Variants in GLTP observed in about 807,000 individuals in gnomAD.
GLTP encodes glycolipid transfer protein.
GLTP carries 22 observed loss-of-function variants against 24.0 expected under a neutral mutation model. The observed-to-expected ratio is 0.92, with a 90% CI of 0.65 to 1.31. GLTP has a LOEUF of 1.31. GLTP is among the 50% of genes most tolerant of loss of function. The pLI is 0.00. For synonymous variants in GLTP, 92 were observed against 115.9 expected (o/e 0.79, Z 1.33); for missense variants, 224 against 276.6 (o/e 0.81, Z 1.35).
rs1869025284 is a variant in GLTP at position 109,880,164 on chromosome 12, C to T, written c.103+108G>A. ...AGAGGATCTTGGGTGCCTGGGGAAACAGTACTTAGGGGTGTCTAGGGCAGA... is the reference window on the plus strand; with the variant it reads ...AGAGGATCTTGGGTGCCTGGGGAAATAGTACTTAGGGGTGTCTAGGGCAGA... On this transcript the variant is annotated intron_variant, in intron 1 of 4. Coordinates refer to ENST00000318348, the MANE Select transcript of GLTP (RefSeq NM_016433.4). This position sits in a 1 kb window ranked among gnomAD's most constrained non-coding sequence, Gnocchi z 5.1. 1.1e-5 allele frequency: 7 copies of T among 629,154 alleles called. No individual in the cohort carries two copies. Among genetic ancestry groups the T allele is most frequent in the South Asian group, 1.7e-5 (1 of 59,556 alleles). The allele number at this position is 629,154 out of a possible 1,614,324, so 39.0% of individuals were successfully genotyped here. A position where few individuals can be genotyped will look rare whatever the true frequency, so the allele number is the denominator to read the frequency against.
rs1177961564 is a variant in GLTP, at chr12:109,851,088, A to G, written c.*1467T>C. The stretch of plus-strand genomic sequence containing the variant: ...TGTTTGCCCCAGCACTTTAAAAAAT[A>G]CAGCTCTTTTTAGCGCCAGGAAGAA... On this transcript the variant is annotated 3_prime_UTR_variant, in exon 5 of 5. Coordinates refer to ENST00000318348, the MANE Select transcript of GLTP (RefSeq NM_016433.4). 1 of 152,650 alleles carries G rather than the reference A, an allele frequency of 6.6e-6. No individual in the cohort carries two copies. The highest frequency in any genetic ancestry group is 1.5e-5 in the Non-Finnish European group (1 of 68,036). The allele number at this position is 152,650 out of a possible 1,614,324, so 9.5% of individuals were successfully genotyped here.
intron 1 of GLTP, among the ~76,000 whole-genome samples, chr12:109,867,394 C>T (rs1289298891): frequency 1.3e-5 from 2 of 152,042 alleles, no homozygotes; most frequent in African/African-American, 4.8e-5. Flanking sequence ...AGCGATCCAC[C>T]CACCTCGGCT....
chr12:109,855,909 T>G lies in GLTP; in HGVS notation c.297-140A>C. The G allele has an allele frequency of 1.6e-6, 1 of 607,108 alleles. No homozygotes were observed. The highest frequency in any genetic ancestry group is 2.7e-6 in the Non-Finnish European group (1 of 363,762). The allele number at this position is 607,108 out of a possible 1,614,324, so 37.6% of individuals were successfully genotyped here. On this transcript the variant is annotated intron_variant, in intron 3 of 4. Transcript: ENST00000318348. This position sits in a 1 kb window ranked among gnomAD's most constrained non-coding sequence, Gnocchi z 4.1. Reference sequence around the variant, plus strand: ...GGGAGTGGTTATTCCCTAATCATCTTTCCCTTCTGCTTACAAGTAACGTGA... The same window carrying G: ...GGGAGTGGTTATTCCCTAATCATCTGTCCCTTCTGCTTACAAGTAACGTGA...
At chr12:109,859,234 T>G (rs772875550) in intron 1 of GLTP, among the ~76,000 whole-genome samples, 8 of 152,050 alleles carry the variant, frequency 5.3e-5, no homozygotes, top group African/African-American at 7.2e-5. Flanking sequence ...AAAAAAAAAT[T>G]TTTGGCCTGG....
At chr12:109,852,880 G>A in intron 4 of GLTP, 143 bp from the exon 5 acceptor site, 4 of 611,758 alleles carry the variant, frequency 6.5e-6, no homozygotes, top group South Asian at 2.0e-5. Context: ...GAAGGGAAAG[G>A]AAAAGGGAGG....
intron 1 of GLTP, among the ~76,000 whole-genome samples, chr12:109,876,763 T>C (rs1868898267): frequency 6.6e-6 from 1 of 152,142 alleles, no homozygotes; most frequent in South Asian, 2.1e-4. Context: ...AAAAAGCAGG[T>C]TATACTTATT....
Position 109,857,386 on chromosome 12 carries a change from T to C in GLTP, c.296+140A>G. 1 of 953,314 alleles carries C rather than the reference T, an allele frequency of 1.0e-6. No individual in the cohort carries two copies. Among genetic ancestry groups the C allele is most frequent in the Non-Finnish European group, 1.6e-6 (1 of 635,536 alleles). The allele number at this position is 953,314 out of a possible 1,614,324, so 59.1% of individuals were successfully genotyped here. On this transcript the variant is annotated intron_variant, in intron 3 of 4. Transcript: ENST00000318348. This position sits in a 1 kb window ranked among gnomAD's most constrained non-coding sequence, Gnocchi z 4.3. ...CAAGCCCTGGCCATTGGGAGGCCTT[T>C]TCCCAGCCATTAACTAGCATCACAC...
At chr12:109,859,044 G>T (rs1892839267) in intron 1 of GLTP, among the ~76,000 whole-genome samples, 1 of 152,160 alleles carries the variant, frequency 6.6e-6, no homozygotes, top group Non-Finnish European at 1.5e-5. Context: ...AATCAGAATG[G>T]TATTTGTTTG....
In GLTP at chr12:109,852,658, C is replaced by T; in HGVS notation, c.527G>A (p.Cys176Tyr). The change falls in exon 5 of 5, where the codon TGC (cysteine) becomes TAC (tyrosine). Residue 176 changes from cysteine to tyrosine, a missense_variant. Physicochemically the swap from Cys to Tyr is radical, Grantham distance 194 (BLOSUM62 -2). Transcript: ENST00000318348. ...TAGGAAGAGGCGGATCTTCTCCAGG[C>T]ACTCCTCCTCCGTAACATTCTGCCC... The part of the protein sequence containing the change: ...SKGQNVTEEE[C>Y]LEKIRLFLVN... 6.2e-7 allele frequency: 1 copy of T among 1,605,036 alleles called. No individual in the cohort carries two copies. Among genetic ancestry groups the T allele is most frequent in the Non-Finnish European group, 8.5e-7 (1 of 1,171,728 alleles).
chr12:109,867,278 A>G (rs1868559072), intron 1 of GLTP, among the ~76,000 whole-genome samples: 1 of 152,060 alleles, frequency 6.6e-6, no homozygotes, highest in South Asian at 2.1e-4. Context: ...CCTCCCGAGT[A>G]GCTGGGACTA....
chr12:109,852,698 T>C lies in GLTP; in HGVS notation c.487A>G (p.Lys163Glu). ...YAAPYKSDFL[K>E]ALSKGQNVTE... Reference sequence around the variant, plus strand: ...ACATTCTGCCCCTTGGAGAGCGCTTTCAGGAAGTCAGACTTATAGGGTGCT... The same window carrying C: ...ACATTCTGCCCCTTGGAGAGCGCTTCCAGGAAGTCAGACTTATAGGGTGCT... Residue 163 changes from lysine to glutamate, a missense_variant, in exon 5 of 5, where the codon AAA becomes GAA. Lys to Glu is a moderately conservative substitution (Grantham distance 56, BLOSUM62 1). Coordinates refer to ENST00000318348, the MANE Select transcript of GLTP (RefSeq NM_016433.4). 2 of 1,613,178 alleles carry C rather than the reference T, an allele frequency of 1.2e-6. No homozygotes were observed. Among genetic ancestry groups the C allele is most frequent in the East Asian group, 4.5e-5 (2 of 44,870 alleles).
At chr12:109,864,481 G>GAGTGCTATGCATAGCCC (rs781528579) in intron 1 of GLTP, among the ~76,000 whole-genome samples, 10 of 152,194 alleles carry the variant, frequency 6.6e-5, no homozygotes, top group Non-Finnish European at 1.2e-4. Flanking sequence ...CTACAGCCCA[G>GAGTGCTATGCATAGCCC]AGGTGCTATG....
At chr12:109,854,724 G>C (rs1268067868) in intron 4 of GLTP, among the ~76,000 whole-genome samples, 1 of 152,228 alleles carries the variant, frequency 6.6e-6, no homozygotes, top group African/African-American at 2.4e-5. Context: ...AGGATTTGTA[G>C]GGGCAATGCA....
intron 1 of GLTP, among the ~76,000 whole-genome samples, chr12:109,873,633 CAAAAAAA>C (rs774803716): frequency 7.5e-5 from 4 of 53,650 alleles, no homozygotes; most frequent in Non-Finnish European, 1.2e-4. Context: ...GACTCTGTCT[CAAAAAAA>C]AAAAAAAAAA....
Position 109,858,721 on chromosome 12 carries a change from A to C in GLTP, c.124T>G (p.Phe42Val), listed in dbSNP as rs561014042. ...CTTATGTCTGCCTTGATGGGAGTAAACACTGGGGACCCAAGGCAATCTGGG... is the reference window on the plus strand; with the variant it reads ...CTTATGTCTGCCTTGATGGGAGTAACCACTGGGGACCCAAGGCAATCTGGG... ...PFFDCLGSPV[F>V]TPIKADISGN... The change falls in exon 2 of 5, where the codon TTT becomes GTT. Residue 42 changes from phenylalanine to valine, a missense_variant. Physicochemically the swap from Phe to Val is conservative, Grantham distance 50. Coordinates refer to ENST00000318348, the MANE Select transcript of GLTP (RefSeq NM_016433.4). 1 of 1,612,242 alleles carries C rather than the reference A, an allele frequency of 6.2e-7. No individual in the cohort carries two copies. The highest frequency in any genetic ancestry group is 1.3e-5 in the African/African-American group (1 of 74,982).
intron 1 of GLTP, among the ~76,000 whole-genome samples, chr12:109,875,889 C>T (rs565542346): frequency 1.3e-5 from 2 of 152,358 alleles, no homozygotes; most frequent in African/African-American, 4.8e-5. Flanking sequence ...CACTCTTCAA[C>T]TCAGCAGTTT....
At chr12:109,865,415 T>C (rs1357381098) in intron 1 of GLTP, among the ~76,000 whole-genome samples, 3 of 151,902 alleles carry the variant, frequency 2.0e-5, no homozygotes, top group African/African-American at 7.3e-5. Flanking sequence ...TCACCTGAGA[T>C]CCGGAGTTCA....
intron 1 of GLTP, among the ~76,000 whole-genome samples, chr12:109,867,476 A>T (rs1242969226): frequency 6.6e-6 from 1 of 152,158 alleles, no homozygotes; most frequent in Non-Finnish European, 1.5e-5. Context: ...TAAATACCAA[A>T]TAGCCACCAG....
chr12:109,855,887 A>AATAACCACTCCCTCT lies in GLTP; in HGVS notation c.297-119_297-118insAGAGGGAGTGGTTAT. On this transcript the variant is annotated intron_variant, in intron 3 of 4. Transcript: ENST00000318348. The surrounding 1 kb of genome is among the most constrained non-coding windows in gnomAD (Gnocchi z 4.1). ...CCAGGAACATGGGCGCCCCAGAGGG[A>AATAACCACTCCCTCT]GTGGTTATTCCCTAATCATCTTTCC... is the stretch of plus-strand genomic sequence containing the variant. 2.7e-6 allele frequency: 2 copies of AATAACCACTCCCTCT among 733,558 alleles called. No individual in the cohort carries two copies. The highest frequency in any genetic ancestry group is 2.5e-5 in the South Asian group (1 of 40,574). 45.4% of individuals were successfully genotyped at this position (733,558 alleles called of 1,614,324 possible). A position where few individuals can be genotyped will look rare whatever the true frequency, so the allele number is the denominator to read the frequency against.
Sources: allele counts gnomAD v4.1 joint callset (sites outside exome capture counted in the v4.1 genomes callset), GRCh38; gene constraint gnomAD v4.1.1; non-coding constraint Gnocchi (gnomAD v3.1); transcripts MANE v1.5; gene names NCBI Gene and HGNC (gene_info 2026-07-23, HGNC 2026-07-21).